VRTN: variants seen among roughly 807,000 people sequenced by gnomAD.
The protein encoded by VRTN is vertebrae development associated.
A neutral mutation model predicts 18.2 loss-of-function variants in VRTN; 5 were observed. The observed-to-expected ratio is 0.27, with a 90% confidence interval of 0.14 to 0.58. The LOEUF (loss-of-function observed/expected upper bound fraction) is 0.58, where lower values mean the gene tolerates loss of function less well. Among genes scored for constraint, VRTN ranks in the 20% least tolerant of loss-of-function variants. VRTN has a pLI of 0.91. For missense variants in VRTN, 741 were observed against 939.4 expected (o/e 0.79, Z 2.76); for synonymous variants, 381 against 393.7 (o/e 0.97, Z 0.38).
intron 1 of VRTN, among the ~76,000 whole-genome samples, chr14:74,320,509 G>T (rs1216194757): frequency 8.1e-5 from 11 of 136,266 alleles, no homozygotes; most frequent in Admixed American, 2.3e-4. Flanking sequence ...TGATCCGCCC[G>T]CCTTGGCCTC....
chr14:74,316,762 G>A (rs936834735), intron 1 of VRTN, among the ~76,000 whole-genome samples: 1 of 148,350 alleles, frequency 6.7e-6, no homozygotes, highest in Non-Finnish European at 1.5e-5. Context: ...TCAGCCTCCC[G>A]AGTAGCTGGG....
rs148056374 is a variant in VRTN, at chr14:74,305,201, G to A, written c.-164+2025G>A. 8.2e-3 allele frequency among the ~76,000 whole-genome samples: 1,242 copies of A among 152,068 alleles called. 10 individuals are homozygous for A. The highest frequency in any genetic ancestry group is 0.028 in the African/African-American group (1,177 of 41,492). On this transcript the variant is annotated intron_variant, in intron 1 of 2. Transcript: ENST00000557177. ...ACAAAAATTAGCCAGGTGTGGTGGCGGGTGCATGTAATCCCAGCTACTTGG... is the reference window on the plus strand; with the variant it reads ...ACAAAAATTAGCCAGGTGTGGTGGCAGGTGCATGTAATCCCAGCTACTTGG...
chr14:74,353,813 C>A (rs565133509), intron 1 of VRTN, among the ~76,000 whole-genome samples: 1 of 152,124 alleles, frequency 6.6e-6, no homozygotes, highest in South Asian at 2.1e-4. Flanking sequence ...AGCTCCGCCT[C>A]CCGGGTTCAC....
chr14:74,336,174 G>C (rs949340435), intron 1 of VRTN, among the ~76,000 whole-genome samples: 2 of 151,792 alleles, frequency 1.3e-5, no homozygotes, highest in African/African-American at 4.8e-5. Flanking sequence ...TTGGGAGGCT[G>C]AGGCAGGCAG....
At position 74,358,486 on chromosome 14, in the gene VRTN, G is replaced by C. The variant is rs756524090; in HGVS notation, c.1703G>C (p.Gly568Ala). The C allele has an allele frequency of 4.3e-6, 7 of 1,614,148 alleles. No individual in the cohort carries two copies. The highest frequency in any genetic ancestry group is 5.9e-6 in the Non-Finnish European group (7 of 1,180,008). The change falls in exon 2 of 2, where the codon GGG becomes GCG. Residue 568 changes from glycine to alanine, a missense_variant. Coordinates refer to ENST00000256362, the MANE Select transcript of VRTN (RefSeq NM_018228.3). This position sits in a 1 kb window ranked among gnomAD's most constrained non-coding sequence, Gnocchi z 5.4. Reference protein sequence around the residue: ...LQVPVPTLGKGGQEAEEKQEK... With the variant: ...LQVPVPTLGKAGQEAEEKQEK... ...GTGCCGGTCCCCACCTTGGGCAAAG[G>C]GGGGCAGGAGGCTGAGGAGAAGCAG... is the stretch of plus-strand genomic sequence containing the variant.
chr14:74,320,866 G>A (rs886283579), intron 1 of VRTN, among the ~76,000 whole-genome samples: 12 of 142,090 alleles, frequency 8.4e-5, no homozygotes, highest in Admixed American at 4.4e-4. Flanking sequence ...GATTACAAGC[G>A]TGAGCCATTG....
chr14:74,356,850 G>A lies in VRTN; in HGVS notation c.67G>A (p.Gly23Ser). ...GCTGCAGGAAGCAGTGGAGTGCGAA[G>A]GCCTGGAGGGTCTCATAGGTGCTTC... ...QELQEAVECE[G>S]LEGLIGASLE... The change falls in exon 2 of 2, where the codon GGC (glycine) becomes AGC (serine). Residue 23 changes from glycine (G) to serine (S), a missense_variant. Coordinates refer to ENST00000256362, the MANE Select transcript of VRTN (RefSeq NM_018228.3). The A allele has an allele frequency of 6.2e-7, 1 of 1,613,812 alleles. No individual in the cohort carries two copies. The highest frequency in any genetic ancestry group is 8.5e-7 in the Non-Finnish European group (1 of 1,179,908).
intron 1 of VRTN, among the ~76,000 whole-genome samples, chr14:74,337,384 A>T (rs1451506778): frequency 6.6e-6 from 1 of 151,902 alleles, no homozygotes; most frequent in Non-Finnish European, 1.5e-5. Context: ...CAAACAAAAC[A>T]ACAAAAAAAG....
At chr14:74,316,469 C>G (rs2085420023) in intron 1 of VRTN, among the ~76,000 whole-genome samples, 1 of 151,176 alleles carries the variant, frequency 6.6e-6, no homozygotes, top group African/African-American at 2.4e-5. Context: ...GCCGAGATCA[C>G]GCCACTGCAC....
intron 1 of VRTN, among the ~76,000 whole-genome samples, chr14:74,335,468 C>T (rs2085557507): frequency 6.6e-6 from 1 of 152,126 alleles, no homozygotes; most frequent in Non-Finnish European, 1.5e-5. Flanking sequence ...TAAAATATGA[C>T]TAATATTAAT....
At chr14:74,354,959 T>C (rs994757920) in intron 1 of VRTN, among the ~76,000 whole-genome samples, 3 of 151,634 alleles carry the variant, frequency 2.0e-5, no homozygotes, top group Admixed American at 2.0e-4. Context: ...CTGGCCAACA[T>C]GGTGAAACCC....
At chr14:74,344,747 AT>A (rs869126016), upstream of VRTN, among the ~76,000 whole-genome samples, 3 of 129,970 alleles carry the variant, frequency 2.3e-5, no homozygotes, top group South Asian at 2.5e-4. Flanking sequence ...AAAAAAAAAA[AT>A]GAAAAAAAGA....
intron 1 of VRTN, among the ~76,000 whole-genome samples, chr14:74,333,876 TAAAAC>T (rs1229818186): frequency 7.1e-5 from 9 of 127,212 alleles, no homozygotes; most frequent in African/African-American, 4.0e-4. Context: ...ATAAATAAAA[TAAAAC>T]AACATAACAA....
At chr14:74,308,584 G>C (rs2085369393) in intron 1 of VRTN, among the ~76,000 whole-genome samples, 1 of 151,366 alleles carries the variant, frequency 6.6e-6, no homozygotes. Flanking sequence ...GTGTGATCTC[G>C]GCCCACTGCA....
intron 1 of VRTN, chr14:74,306,158 ATATATATATATATATTTT>A (rs1232842571): frequency 3.2e-5 from 2 of 63,430 alleles, no homozygotes; most frequent in Non-Finnish European, 5.6e-5. Context: ...ATATATATAT[ATATATATATATATATTTT>A]TTTTTTTTTT....
chr14:74,343,882 G>A (rs1050951309), upstream of VRTN, among the ~76,000 whole-genome samples: 29 of 151,554 alleles, frequency 1.9e-4, no homozygotes, highest in African/African-American at 6.5e-4. Context: ...TGCAACCTCC[G>A]CCTCCCGGGT....
chr14:74,338,853 T>C (rs1333399189), intron 2 of VRTN, among the ~76,000 whole-genome samples: 1 of 152,150 alleles, frequency 6.6e-6, no homozygotes. Flanking sequence ...GCCTCCTGAG[T>C]AGCTGGGACT....
chr14:74,358,681 C>A lies in VRTN; in HGVS notation c.1898C>A (p.Ala633Glu). 2 of 1,613,268 alleles carry A rather than the reference C, an allele frequency of 1.2e-6. No individual in the cohort carries two copies. The highest frequency in any genetic ancestry group is 1.7e-6 in the Non-Finnish European group (2 of 1,179,612). ...CTGAGCCAACCTGTGGTGGCAGCAG[C>A]GGGTGGCAGGGATGGCCGGATGCTG... ...PLLSQPVVAA[A>E]GGRDGRMLVM... The change falls in exon 2 of 2, where the codon GCG becomes GAG. Residue 633 changes from alanine (A) to glutamate (E), a missense_variant. Physicochemically the swap from Ala to Glu is moderately radical, Grantham distance 107. Transcript: ENST00000256362. This position sits in a 1 kb window ranked among gnomAD's most constrained non-coding sequence, Gnocchi z 5.4.
intron 1 of VRTN, among the ~76,000 whole-genome samples, chr14:74,349,395 G>C (rs1595174231): frequency 6.6e-6 from 1 of 152,200 alleles, no homozygotes; most frequent in Non-Finnish European, 1.5e-5. Flanking sequence ...GGGCAGAGAG[G>C]CACGGCGCAA....
Sources: gnomAD v4.1 joint callset for allele counts (sites outside exome capture counted in the v4.1 genomes callset) on GRCh38, gnomAD v4.1.1 for gene constraint, Gnocchi (gnomAD v3.1) non-coding constraint, MANE v1.5 for transcripts, NCBI Gene and HGNC (gene_info 2026-07-23, HGNC 2026-07-21) for gene names.